BTBD9: variants seen among roughly 807,000 people sequenced by gnomAD.
The protein encoded by BTBD9 is BTB domain containing 9.
Under a neutral mutation model 64.3 loss-of-function variants are expected in BTBD9, and 49 were observed. That is an observed-to-expected ratio of 0.76 (90% confidence interval 0.61 to 0.97). BTBD9 has a LOEUF of 0.97. Among genes scored for constraint, BTBD9 ranks in the 50% least tolerant of loss-of-function variants. The pLI, the probability that BTBD9 is intolerant of heterozygous loss-of-function variation, is 0.00. For synonymous variants in BTBD9, 260 were observed against 274.7 expected (o/e 0.95, Z 0.53); for missense variants, 598 against 762.1 (o/e 0.78, Z 2.53).
intron 6 of BTBD9, among the ~76,000 whole-genome samples, chr6:38,523,352 A>G (rs1451563303): frequency 6.6e-6 from 1 of 152,176 alleles, no homozygotes; most frequent in East Asian, 1.9e-4. Context: ...CAATCTAGCA[A>G]TCTATTTTAT....
At chr6:38,283,019 T>C (rs936665348) in intron 8 of BTBD9, among the ~76,000 whole-genome samples, 1 of 152,214 alleles carries the variant, frequency 6.6e-6, no homozygotes, top group African/African-American at 2.4e-5. Flanking sequence ...GCCTAGCACA[T>C]AGTAAGAGGA....
At chr6:38,509,392 G>C (rs940379078) in intron 6 of BTBD9, among the ~76,000 whole-genome samples, 1 of 152,152 alleles carries the variant, frequency 6.6e-6, no homozygotes, top group Admixed American at 6.5e-5. Context: ...GCTAAGATAT[G>C]TTAGTCCTAA....
intron 6 of BTBD9, among the ~76,000 whole-genome samples, chr6:38,418,498 T>A (rs1253199177): frequency 6.6e-6 from 1 of 152,200 alleles, no homozygotes. Context: ...GTTTGCTGGT[T>A]GCTATAGGAG....
At chr6:38,361,878 A>AC (rs201171709) in intron 6 of BTBD9, among the ~76,000 whole-genome samples, 2,506 of 151,890 alleles carry the variant, frequency 0.016, 82 homozygotes, top group East Asian at 0.11. Context: ...GAAAAAAAAA[A>AC]AACAAAAACA....
intron 6 of BTBD9, among the ~76,000 whole-genome samples, chr6:38,516,535 C>T (rs1346148640): frequency 1.3e-5 from 2 of 152,132 alleles, no homozygotes; most frequent in African/African-American, 4.8e-5. Context: ...CCTGCACTGC[C>T]CAGTGTAGGC....
At chr6:38,177,005 C>T (rs141170469) in intron 10 of BTBD9, among the ~76,000 whole-genome samples, 5 of 152,190 alleles carry the variant, frequency 3.3e-5, no homozygotes, top group Admixed American at 2.0e-4. Flanking sequence ...TGCAGTATGA[C>T]CCAGAGCCAT....
chr6:38,577,785 T>A, intron 5 of BTBD9, 66 bp from the exon 6 acceptor site: 4 of 1,418,500 alleles, frequency 2.8e-6, no homozygotes, highest in Non-Finnish European at 3.8e-6. Context: ...AGCTGTACTT[T>A]AATAAAGTGT....
intron 1 of BTBD9, among the ~76,000 whole-genome samples, chr6:38,617,645 G>A (rs1027579063): frequency 1.3e-5 from 2 of 152,188 alleles, no homozygotes; most frequent in Non-Finnish European, 2.9e-5. Flanking sequence ...GATATGGAGA[G>A]CCTCAGAAAT....
chr6:38,174,887 C>A lies in BTBD9; in HGVS notation c.*98G>T, dbSNP rs758771601. ...AGGTCGGCTCCTCCCTGGAAAGGGG[C>A]AGAGGTGGGGGCAGTCAACAGAGAC... On this transcript the variant is annotated 3_prime_UTR_variant, in exon 11 of 11. Coordinates refer to ENST00000481247, the MANE Select transcript of BTBD9 (RefSeq NM_001099272.2). The A allele has an allele frequency of 5.6e-5, 80 of 1,419,230 alleles. No individual in the cohort carries two copies. The highest frequency in any genetic ancestry group is 1.2e-4 in the Admixed American group (6 of 49,102). 87.9% of individuals were successfully genotyped at this position (1,419,230 alleles called of 1,614,324 possible).
intron 6 of BTBD9, among the ~76,000 whole-genome samples, chr6:38,450,492 T>C (rs1333605006): frequency 6.6e-6 from 1 of 152,202 alleles, no homozygotes; most frequent in East Asian, 1.9e-4. Flanking sequence ...CTAAGTATAA[T>C]ACTTCAAAAC....
intron 6 of BTBD9, among the ~76,000 whole-genome samples, chr6:38,506,847 T>C (rs1772546396): frequency 6.6e-6 from 1 of 152,228 alleles, no homozygotes; most frequent in Admixed American, 6.5e-5. Flanking sequence ...CTGAATAAAA[T>C]ACAAATTAAT....
intron 6 of BTBD9, among the ~76,000 whole-genome samples, chr6:38,550,287 A>C (rs149028210): frequency 1.4e-3 from 208 of 151,500 alleles, no homozygotes; most frequent in African/African-American, 4.4e-3. Flanking sequence ...AAAACTCTTG[A>C]TATCATCCTT....
chr6:38,209,245 G>A (rs770110027), intron 9 of BTBD9, among the ~76,000 whole-genome samples: 38 of 152,292 alleles, frequency 2.5e-4, no homozygotes, highest in Non-Finnish European at 4.3e-4. Context: ...GGAGGTGGCC[G>A]AGTGTCTACC....
intron 6 of BTBD9, among the ~76,000 whole-genome samples, chr6:38,574,132 C>G (rs1358627594): frequency 6.6e-6 from 1 of 152,200 alleles, no homozygotes; most frequent in African/African-American, 2.4e-5. Context: ...AACTCACGAA[C>G]ATTCCTAAAA....
chr6:38,350,687 G>C (rs1462970296), intron 6 of BTBD9, among the ~76,000 whole-genome samples: 1 of 152,154 alleles, frequency 6.6e-6, no homozygotes, highest in Non-Finnish European at 1.5e-5. Context: ...GCCTGAGATT[G>C]GTACAAAAGA....
At chr6:38,213,071 A>G (rs932828047) in intron 9 of BTBD9, among the ~76,000 whole-genome samples, 15 of 151,630 alleles carry the variant, frequency 9.9e-5, no homozygotes, top group African/African-American at 3.6e-4. Context: ...TCAAAAGCCC[A>G]TGCAAAACAA....
At chr6:38,532,616 G>C (rs976134128) in intron 6 of BTBD9, among the ~76,000 whole-genome samples, 1 of 152,086 alleles carries the variant, frequency 6.6e-6, no homozygotes, top group Non-Finnish European at 1.5e-5. Context: ...ATAGGGACCA[G>C]TCAGAGTCCT....
intron 2 of BTBD9, among the ~76,000 whole-genome samples, chr6:38,594,861 T>A (rs73414307): frequency 0.016 from 2,416 of 152,296 alleles, 62 homozygotes; most frequent in African/African-American, 0.054. Context: ...TAGCATCTAG[T>A]CAAATCTAAA....
At chr6:38,487,592 C>CGAGAGAGAGAGAGAGAGA (rs70981555) in intron 6 of BTBD9, among the ~76,000 whole-genome samples, 14 of 122,826 alleles carry the variant, frequency 1.1e-4, no homozygotes, top group African/African-American at 3.7e-4. Flanking sequence ...AGAGAGTCAG[C>CGAGAGAGAGAGAGAGAGA]GAGAGAGAGA....
Sources: allele counts gnomAD v4.1 joint callset (sites outside exome capture counted in the v4.1 genomes callset), GRCh38; gene constraint gnomAD v4.1.1; transcripts MANE v1.5; gene names NCBI Gene and HGNC (gene_info 2026-07-23, HGNC 2026-07-21).